CDK5RAP1: variants seen among roughly 807,000 people sequenced by gnomAD.
CDK5RAP1 encodes mitochondrial tRNA methylthiotransferase CDK5RAP1.
In CDK5RAP1, 62 loss-of-function variants were observed where a neutral mutation model predicts 64.5. The observed-to-expected ratio is 0.96, with a 90% confidence interval of 0.78 to 1.19. The LOEUF is 1.19. Among genes scored for constraint, CDK5RAP1 ranks in the 50% most tolerant of loss-of-function variants. CDK5RAP1 has a pLI of 0.00. For synonymous variants in CDK5RAP1, 250 were observed against 261.9 expected (o/e 0.95, Z 0.44); for missense variants, 657 against 735.0 (o/e 0.89, Z 1.23).
intron 2 of CDK5RAP1, among the ~76,000 whole-genome samples, chr20:33,396,406 T>G (rs1010315504): frequency 6.6e-6 from 1 of 152,208 alleles, no homozygotes; most frequent in African/African-American, 2.4e-5. Context: ...GATCAAATGA[T>G]TCTCCCACCT....
chr20:33,397,215 G>GA (rs1988990951), intron 1 of CDK5RAP1, 131 bp from the exon 2 acceptor site: 1 of 610,680 alleles, frequency 1.6e-6, no homozygotes, highest in Non-Finnish European at 2.6e-6. Context: ...CTAATAATAT[G>GA]ACCTCTGTTT....
chr20:33,371,738 G>A (rs1395277807), intron 10 of CDK5RAP1, among the ~76,000 whole-genome samples: 1 of 152,034 alleles, frequency 6.6e-6, no homozygotes, highest in Non-Finnish European at 1.5e-5. Context: ...AGCCGAGATT[G>A]CGCCACTGCA....
At chr20:33,372,300 A>T (rs1049359272) in intron 10 of CDK5RAP1, among the ~76,000 whole-genome samples, 1 of 151,664 alleles carries the variant, frequency 6.6e-6, no homozygotes, top group African/African-American at 2.4e-5. Context: ...AAAGATATCA[A>T]TTGTTCTCAA....
rs1211793769 is a variant in CDK5RAP1, at chr20:33,389,040, C to T, written c.545-1507G>A. Among the ~76,000 whole-genome samples, 16 of 152,268 alleles carry T rather than the reference C, an allele frequency of 1.1e-4. 1 individual carries two copies. The highest frequency in any genetic ancestry group is 3.1e-4 in the African/African-American group (13 of 41,568). ...GCCGAGATTGCAGCCTCTGCCCGGC[C>T]GCCACCCCGTCTGGGAAGTGAGGAG... On this transcript the variant is annotated intron_variant, in intron 5 of 13. Transcript: ENST00000346416.
rs113894811 is a variant in CDK5RAP1, at chr20:33,390,274, C to CAA, written c.544+1866_544+1867dup. The stretch of plus-strand genomic sequence containing the variant: ...GGGCGACAAACTGAGACCCTGTCAC[C>CAA]AAAAAAAAAAAAAGAAGGAAATTCT... On this transcript the variant is annotated intron_variant, in intron 5 of 13. Coordinates refer to ENST00000346416, the MANE Select transcript of CDK5RAP1 (RefSeq NM_016408.4). Among the ~76,000 whole-genome samples the CAA allele has an allele frequency of 1.1e-3, 155 of 142,788 alleles. 1 individual carries two copies. Among genetic ancestry groups the CAA allele is most frequent in the South Asian group, 4.7e-3 (21 of 4,474 alleles). The allele number at this position is 142,788 out of a possible 152,430, so 93.7% of individuals were successfully genotyped here.
chr20:33,384,595 T>TGGTGA (rs1223084093), intron 7 of CDK5RAP1, among the ~76,000 whole-genome samples: 1 of 152,056 alleles, frequency 6.6e-6, no homozygotes, highest in African/African-American at 2.4e-5. Flanking sequence ...GATAGCAAAC[T>TGGTGA]GGTGACTTAG....
intron 12 of CDK5RAP1, among the ~76,000 whole-genome samples, chr20:33,362,378 C>T (rs537760824): frequency 1.1e-4 from 16 of 152,246 alleles, no homozygotes; most frequent in Admixed American, 3.9e-4. Context: ...ACCTAAAAGT[C>T]AACACTCGGT....
chr20:33,372,554 G>C (rs1985234296), intron 10 of CDK5RAP1, 88 bp downstream of exon 10: 1 of 588,056 alleles, frequency 1.7e-6, no homozygotes, highest in East Asian at 3.0e-5. Context: ...GTGTCACAAG[G>C]AAATGCCAAA....
intron 12 of CDK5RAP1, among the ~76,000 whole-genome samples, chr20:33,363,144 A>C (rs1257809355): frequency 6.6e-6 from 1 of 152,212 alleles, no homozygotes; most frequent in Non-Finnish European, 1.5e-5. Context: ...GCATAACCTG[A>C]ATCTTATCAT....
At chr20:33,379,427 A>T in intron 8 of CDK5RAP1, 34 bp downstream of exon 8, 1 of 1,464,506 alleles carries the variant, frequency 6.8e-7, no homozygotes, top group Non-Finnish European at 9.6e-7. Flanking sequence ...CAAGAATACT[A>T]ATATCAGTTT....
intron 2 of CDK5RAP1, among the ~76,000 whole-genome samples, chr20:33,395,875 G>T (rs1988854677): frequency 6.6e-6 from 1 of 151,964 alleles, no homozygotes; most frequent in Non-Finnish European, 1.5e-5. Context: ...TCAGCCAGGT[G>T]TGGTGGCGTG....
intron 5 of CDK5RAP1, among the ~76,000 whole-genome samples, chr20:33,388,154 TG>T (rs953067371): frequency 5.3e-5 from 8 of 152,130 alleles, no homozygotes; most frequent in African/African-American, 1.7e-4. Flanking sequence ...TACTTAGTGC[TG>T]AAATAAAAAG....
chr20:33,363,885 C>T (rs531389484), intron 12 of CDK5RAP1, among the ~76,000 whole-genome samples: 2 of 151,898 alleles, frequency 1.3e-5, no homozygotes, highest in South Asian at 4.2e-4. Context: ...GGAGACAGAA[C>T]GAGAGACTTT....
chr20:33,397,199 G>A, intron 1 of CDK5RAP1, 115 bp from the exon 2 acceptor site: 1 of 708,894 alleles, frequency 1.4e-6, no homozygotes, highest in Non-Finnish European at 2.2e-6. Context: ...CATGAAGAAG[G>A]TACTCCTAAT....
intron 11 of CDK5RAP1, 99 bp from the exon 12 acceptor site, chr20:33,367,107 A>G: frequency 8.5e-7 from 1 of 1,180,722 alleles, no homozygotes; most frequent in Non-Finnish European, 1.2e-6. Context: ...TCTACCTACA[A>G]GTAACAGACA....
At chr20:33,397,157 G>T in intron 1 of CDK5RAP1, 73 bp from the exon 2 acceptor site, 2 of 1,107,318 alleles carry the variant, frequency 1.8e-6, no homozygotes, top group South Asian at 1.6e-5. Flanking sequence ...AGCACTTCAA[G>T]TGTATACATC....
At position 33,366,957 on chromosome 20, in the gene CDK5RAP1, A is replaced by C. The variant is rs185723586; in HGVS notation, c.1444T>G (p.Leu482Val). 7 of 1,613,686 alleles carry C rather than the reference A, an allele frequency of 4.3e-6. No individual in the cohort carries two copies. In the African/African-American group the frequency reaches 9.4e-5, roughly 22 times the overall value. Residue 482 changes from leucine (L) to valine (V), a missense_variant, in exon 12 of 14, where the codon TTA (leucine) becomes GTA (valine). Coordinates refer to ENST00000346416, the MANE Select transcript of CDK5RAP1 (RefSeq NM_016408.4). ...GTGATGAGTTCCTCCAAACGCCTTA[A>C]TTTTACCTCTTCCGGGACATCATCC... Reference protein sequence around the residue: ...LKDDVPEEVKLRRLEELITIF... With the variant: ...LKDDVPEEVKVRRLEELITIF...
chr20:33,371,269 G>T (rs574165722), intron 10 of CDK5RAP1, among the ~76,000 whole-genome samples: 133 of 152,274 alleles, frequency 8.7e-4, no homozygotes, highest in Non-Finnish European at 1.4e-3. Flanking sequence ...ATTCCAGCCT[G>T]GGCGACAGAA....
In CDK5RAP1 at chr20:33,370,539, T is replaced by C. The variant is rs1984819118; in HGVS notation, c.1352A>G (p.Gln451Arg). The C allele has an allele frequency of 1.5e-5, 25 of 1,614,204 alleles. No individual in the cohort carries two copies. The highest frequency in any genetic ancestry group is 1.9e-5 in the Non-Finnish European group (23 of 1,180,030). Residue 451 changes from glutamine to arginine, a missense_variant, in exon 11 of 14, where the codon CAG (glutamine) becomes CGG (arginine). Gln to Arg is a conservative substitution (Grantham distance 43). Transcript: ENST00000346416. Reference sequence around the variant, plus strand: ...GGCAAAGAGGAAGCCCATGTTGTACTGAACTTCCCGGAGCAAAGAGACTGT... The same window carrying C: ...GGCAAAGAGGAAGCCCATGTTGTACCGAACTTCCCGGAGCAAAGAGACTGT... Reference protein sequence around the residue: ...VQTVSLLREVQYNMGFLFAYS... With the variant: ...VQTVSLLREVRYNMGFLFAYS...
Sources: gnomAD v4.1 joint callset for allele counts (sites outside exome capture counted in the v4.1 genomes callset) on GRCh38, gnomAD v4.1.1 for gene constraint, MANE v1.5 for transcripts, NCBI Gene and HGNC (gene_info 2026-07-23, HGNC 2026-07-21) for gene names.